The following SPIRE1 variants were observed in gnomAD, a reference collection of about 807,000 sequenced individuals.
SPIRE1 encodes spire type actin nucleation factor 1.
Under a neutral mutation model 94.1 loss-of-function variants are expected in SPIRE1, and 40 were observed. That is an observed-to-expected ratio of 0.43 (90% CI 0.33 to 0.55). SPIRE1 has a LOEUF of 0.55. Among genes scored for constraint, SPIRE1 ranks in the 20% least tolerant of loss-of-function variants. The pLI is 0.06. For missense variants in SPIRE1, 838 were observed against 975.2 expected, an observed-to-expected ratio of 0.86 and a Z score of 1.87; for synonymous variants, 376 against 371.7, an observed-to-expected ratio of 1.01 and a Z score of -0.13.
intron 2 of SPIRE1, among the ~76,000 whole-genome samples, chr18:12,627,417 T>G (rs1045201171): frequency 1.3e-5 from 2 of 152,228 alleles, no homozygotes; most frequent in Non-Finnish European, 2.9e-5. Flanking sequence ...CTGCATAGTA[T>G]TCCATGGTGT....
intron 12 of SPIRE1, chr18:12,459,616 T>A (rs1324760167): frequency 3.6e-5 from 13 of 366,024 alleles, no homozygotes; most frequent in Non-Finnish European, 4.5e-5. Context: ...GATCGGTGCA[T>A]CCTGCACAAG....
chr18:12,583,252 G>A (rs2036304266), intron 2 of SPIRE1, among the ~76,000 whole-genome samples: 1 of 152,194 alleles, frequency 6.6e-6, no homozygotes, highest in African/African-American at 2.4e-5. Flanking sequence ...CAGGAGGATT[G>A]CTTAAGCCCA....
chr18:12,595,319 A>G (rs2036640607), intron 2 of SPIRE1, among the ~76,000 whole-genome samples: 1 of 149,426 alleles, frequency 6.7e-6, no homozygotes, highest in South Asian at 2.1e-4. Context: ...TAATAATAAT[A>G]ACAATAATAC....
intron 3 of SPIRE1, among the ~76,000 whole-genome samples, chr18:12,544,675 C>A (rs1335025113): frequency 6.6e-6 from 1 of 152,104 alleles, no homozygotes; most frequent in Non-Finnish European, 1.5e-5. Flanking sequence ...ACCCTTTTAA[C>A]TATTCATTTT....
intron 1 of SPIRE1, among the ~76,000 whole-genome samples, 197 bp downstream of exon 1, chr18:12,657,333 C>A (rs1487537859): frequency 6.7e-6 from 1 of 149,820 alleles, no homozygotes; most frequent in African/African-American, 2.4e-5. Flanking sequence ...CCACGAGGCT[C>A]TGACCTCCGA....
intron 12 of SPIRE1, among the ~76,000 whole-genome samples, chr18:12,461,261 C>T (rs949833614): frequency 2.6e-5 from 4 of 152,024 alleles, no homozygotes; most frequent in Admixed American, 6.5e-5. Context: ...AACTTTAAGT[C>T]TAACCTCAAT....
intron 12 of SPIRE1, among the ~76,000 whole-genome samples, chr18:12,459,389 G>A (rs1357566465): frequency 6.6e-6 from 1 of 152,154 alleles, no homozygotes; most frequent in African/African-American, 2.4e-5. Flanking sequence ...CGGAATGAGT[G>A]AGCAAATACT....
intron 4 of SPIRE1, among the ~76,000 whole-genome samples, chr18:12,514,203 C>T (rs148026672): frequency 6.6e-6 from 1 of 152,286 alleles, no homozygotes; most frequent in East Asian, 1.9e-4. Flanking sequence ...CACCTTCTTC[C>T]TAGAATGCTT....
intron 2 of SPIRE1, among the ~76,000 whole-genome samples, chr18:12,553,164 G>A (rs1476467162): frequency 1.3e-5 from 2 of 152,200 alleles, no homozygotes; most frequent in Non-Finnish European, 2.9e-5. Context: ...GGTGGCTAAG[G>A]TGAAAGACTT....
intron 12 of SPIRE1, among the ~76,000 whole-genome samples, chr18:12,462,827 C>T (rs1230532123): frequency 6.6e-6 from 1 of 151,684 alleles, no homozygotes; most frequent in Non-Finnish European, 1.5e-5. Context: ...TCCATACTTT[C>T]AACCACTGAT....
chr18:12,632,033 A>G (rs1452418359), intron 2 of SPIRE1, among the ~76,000 whole-genome samples: 1 of 133,398 alleles, frequency 7.5e-6, no homozygotes, highest in African/African-American at 2.6e-5. Flanking sequence ...TGACAGAGCA[A>G]GACTCTGTCT....
chr18:12,449,565 G>T lies in SPIRE1; in HGVS notation c.*73C>A. Reference sequence around the variant, plus strand: ...CCATTAAATAAAACCACAGAAAGGAGAGCCAGCCCGGCTCAGTGTCCTCGC... The same window carrying T: ...CCATTAAATAAAACCACAGAAAGGATAGCCAGCCCGGCTCAGTGTCCTCGC... On this transcript the variant is annotated 3_prime_UTR_variant, in exon 17 of 17. Coordinates refer to ENST00000409402, the MANE Select transcript of SPIRE1 (RefSeq NM_001128626.2). 1 of 1,477,262 alleles carries T rather than the reference G, an allele frequency of 6.8e-7. No homozygotes were observed. The highest frequency in any genetic ancestry group is 9.1e-7 in the Non-Finnish European group (1 of 1,098,476). The allele number at this position is 1,477,262 out of a possible 1,614,324, so 91.5% of individuals were successfully genotyped here. A position where few individuals can be genotyped will look rare whatever the true frequency, so the allele number is the denominator to read the frequency against.
intron 6 of SPIRE1, among the ~76,000 whole-genome samples, chr18:12,500,388 T>C (rs2033613202): frequency 6.6e-6 from 1 of 152,098 alleles, no homozygotes; most frequent in African/African-American, 2.4e-5. Context: ...ATCAGGGAAA[T>C]GCAAATCAAA....
chr18:12,634,258 TAAAAAAAAAAAA>T (rs71174115), intron 2 of SPIRE1, among the ~76,000 whole-genome samples: 3 of 141,004 alleles, frequency 2.1e-5, no homozygotes. Flanking sequence ...AAAATAAAAA[TAAAAAAAAAAAA>T]AAATAATAAT....
intron 2 of SPIRE1, among the ~76,000 whole-genome samples, chr18:12,553,574 G>A (rs1178127972): frequency 6.6e-6 from 1 of 152,062 alleles, no homozygotes; most frequent in Admixed American, 6.6e-5. Flanking sequence ...CAGAATACCA[G>A]GCAGAAAAGT....
chr18:12,467,704 C>T (rs1310493689), intron 10 of SPIRE1, among the ~76,000 whole-genome samples: 3 of 152,214 alleles, frequency 2.0e-5, no homozygotes, highest in Non-Finnish European at 2.9e-5. Context: ...GTAATCCCAG[C>T]ACTTTGGGAG....
intron 2 of SPIRE1, among the ~76,000 whole-genome samples, chr18:12,629,395 T>C (rs1339791919): frequency 6.6e-6 from 1 of 152,200 alleles, no homozygotes; most frequent in African/African-American, 2.4e-5. Flanking sequence ...TAGGAAAAAT[T>C]TGTAAAATTG....
At chr18:12,537,782 A>C in intron 3 of SPIRE1, among the ~76,000 whole-genome samples, 1 of 152,212 alleles carries the variant, frequency 6.6e-6, no homozygotes, top group East Asian at 1.9e-4. Context: ...AATGCTAAGA[A>C]ATAAATTTAA....
chr18:12,613,541 A>G (rs2037202110), intron 2 of SPIRE1, among the ~76,000 whole-genome samples: 1 of 152,246 alleles, frequency 6.6e-6, no homozygotes, highest in Non-Finnish European at 1.5e-5. Context: ...GTGCAGAAGC[A>G]TAAAATACAC....
Sources: allele counts gnomAD v4.1 joint callset (sites outside exome capture counted in the v4.1 genomes callset), GRCh38; gene constraint gnomAD v4.1.1; transcripts MANE v1.5; gene names NCBI Gene and HGNC (gene_info 2026-07-23, HGNC 2026-07-21).